The following RORA variants were observed in gnomAD, a reference collection of about 807,000 sequenced individuals.
RORA encodes RAR related orphan receptor A.
Under a neutral mutation model 69.5 loss-of-function variants are expected in RORA, and 7 were observed. That is an observed-to-expected ratio of 0.10 (90% CI 0.06 to 0.19). The LOEUF (loss-of-function observed/expected upper bound fraction) is 0.19. Ranked by LOEUF, RORA falls within the 10% of genes least tolerant of loss-of-function variation. RORA has a pLI of 1.00. For synonymous variants in RORA, 261 were observed against 240.8 expected, an observed-to-expected ratio of 1.08 and a Z score of -0.78; for missense variants, 457 against 663.0, an observed-to-expected ratio of 0.69 and a Z score of 3.41.
chr15:60,509,348 A>C (rs1174725988), intron 5 of RORA, among the ~76,000 whole-genome samples: 2 of 152,182 alleles, frequency 1.3e-5, no homozygotes, highest in Non-Finnish European at 2.9e-5. Context: ...TAAATACCAC[A>C]ACACCTGTGA....
intron 1 of RORA, among the ~76,000 whole-genome samples, chr15:60,787,757 A>T (rs2072358187): frequency 6.6e-6 from 1 of 152,236 alleles, no homozygotes; most frequent in South Asian, 2.1e-4. Flanking sequence ...ACAAGGTGCT[A>T]TGAGAACTTC....
At chr15:61,076,192 AG>A (rs1406839648) in intron 1 of RORA, among the ~76,000 whole-genome samples, 5 of 152,236 alleles carry the variant, frequency 3.3e-5, no homozygotes, top group Admixed American at 6.5e-5. Context: ...CAGAGGTCGC[AG>A]GGCCTGACCC....
rs531075148 is a variant in RORA at position 60,961,895 on chromosome 15, G to A, written c.166+267158C>T. 2.4e-4 allele frequency among the ~76,000 whole-genome samples: 36 copies of A among 152,288 alleles called. 1 individual carries two copies. In the South Asian group the frequency reaches 7.1e-3, roughly 30 times the overall value. The stretch of plus-strand genomic sequence containing the variant: ...AGTAACTGACACAGGCACCACATGC[G>A]CTGGGTTTAGACATATAAACACGGA... On this transcript the variant is annotated intron_variant, in intron 1 of 10. Coordinates refer to ENST00000335670, the MANE Select transcript of RORA (RefSeq NM_134261.3).
chr15:60,505,557 A>G lies in RORA; in HGVS notation c.893T>C (p.Ile298Thr), dbSNP rs1191056465. 6.2e-7 allele frequency: 1 copy of G among 1,613,932 alleles called. No individual in the cohort carries two copies. The highest frequency in any genetic ancestry group is 1.1e-5 in the South Asian group (1 of 91,070). Residue 298 changes from isoleucine to threonine, a missense_variant, in exon 6 of 11, where the codon ATA becomes ACA. Ile to Thr is a moderately conservative substitution (Grantham distance 89). Transcript: ENST00000335670. ...CQYLREELQQ[I>T]TWQTFLQEEI... ...TTCCTGTAAAAAGGTCTGCCACGTT[A>G]TCTGCTGGAGCTCTTCTCTCAAGTA...
At chr15:60,697,912 G>T (rs998141178) in intron 1 of RORA, among the ~76,000 whole-genome samples, 1 of 152,166 alleles carries the variant, frequency 6.6e-6, no homozygotes, top group Non-Finnish European at 1.5e-5. Flanking sequence ...CAACACTTCC[G>T]CTTGTGAAGT....
chr15:60,751,441 T>C (rs2071722048), intron 1 of RORA, among the ~76,000 whole-genome samples: 1 of 152,230 alleles, frequency 6.6e-6, no homozygotes, highest in Non-Finnish European at 1.5e-5. Context: ...GACGATAAGC[T>C]AGCATTTAGT....
intron 1 of RORA, among the ~76,000 whole-genome samples, chr15:61,161,544 T>C (rs2079496112): frequency 6.6e-6 from 1 of 152,188 alleles, no homozygotes; most frequent in Non-Finnish European, 1.5e-5. Flanking sequence ...TAGCATGTGC[T>C]CCATAAATGT....
chr15:60,578,880 C>T (rs1048235998), intron 2 of RORA, among the ~76,000 whole-genome samples: 4 of 151,624 alleles, frequency 2.6e-5, no homozygotes, highest in Non-Finnish European at 5.9e-5. Context: ...TCTCCTGCCT[C>T]AGCCTCCTGA....
intron 2 of RORA, among the ~76,000 whole-genome samples, chr15:60,657,220 C>T (rs944254284): frequency 1.3e-5 from 2 of 152,240 alleles, no homozygotes; most frequent in East Asian, 3.9e-4. Flanking sequence ...CGCATTTCTG[C>T]CTTCTCCGTC....
intron 2 of RORA, among the ~76,000 whole-genome samples, chr15:60,638,875 G>T (rs2069887440): frequency 6.6e-6 from 1 of 152,054 alleles, no homozygotes; most frequent in African/African-American, 2.4e-5. Flanking sequence ...CTGTCTTAAA[G>T]ATTCCCATTT....
intron 1 of RORA, among the ~76,000 whole-genome samples, chr15:60,747,513 T>A (rs916202409): frequency 3.3e-5 from 5 of 152,212 alleles, no homozygotes; most frequent in Non-Finnish European, 7.3e-5. Flanking sequence ...AATATTTTTA[T>A]ACAGAAAGAA....
intron 1 of RORA, among the ~76,000 whole-genome samples, chr15:60,835,629 A>G (rs2073105331): frequency 2.0e-5 from 3 of 152,218 alleles, no homozygotes; most frequent in Admixed American, 6.5e-5. Context: ...GGTTATGACC[A>G]TCTCTATTTT....
At chr15:60,735,956 G>A (rs1467295653) in intron 1 of RORA, among the ~76,000 whole-genome samples, 1 of 152,192 alleles carries the variant, frequency 6.6e-6, no homozygotes, top group African/African-American at 2.4e-5. Context: ...TAAACACACA[G>A]TAGACTAGAT....
intron 1 of RORA, among the ~76,000 whole-genome samples, chr15:61,004,056 C>T (rs988828446): frequency 6.6e-6 from 1 of 151,938 alleles, no homozygotes; most frequent in African/African-American, 2.4e-5. Context: ...ACTAAAGACA[C>T]GCCACAGGGA....
At chr15:61,172,093 T>C (rs138485484) in intron 1 of RORA, among the ~76,000 whole-genome samples, 1,663 of 152,208 alleles carry the variant, frequency 0.011, 34 homozygotes, top group African/African-American at 0.038. Flanking sequence ...ACAATATATA[T>C]TGTAGACATC....
intron 1 of RORA, among the ~76,000 whole-genome samples, chr15:60,713,460 A>G (rs1174674043): frequency 6.6e-6 from 1 of 152,186 alleles, no homozygotes; most frequent in African/African-American, 2.4e-5. Flanking sequence ...CACTGAATGG[A>G]TATTTGAAGA....
At chr15:60,801,211 T>C (rs1257813350) in intron 1 of RORA, among the ~76,000 whole-genome samples, 1 of 152,314 alleles carries the variant, frequency 6.6e-6, no homozygotes, top group South Asian at 2.1e-4. Flanking sequence ...CCTGGTGAAC[T>C]TGGGTGGAAA....
intron 1 of RORA, among the ~76,000 whole-genome samples, chr15:60,919,473 T>C (rs1012427713): frequency 2.6e-5 from 4 of 152,190 alleles, no homozygotes; most frequent in Non-Finnish European, 5.9e-5. Context: ...TGTTGATGCC[T>C]CAAAATTGAG....
intron 1 of RORA, among the ~76,000 whole-genome samples, chr15:61,079,897 G>A (rs1195140629): frequency 2.6e-5 from 4 of 152,184 alleles, no homozygotes; most frequent in Non-Finnish European, 5.9e-5. Context: ...GCGACCATGA[G>A]CAAGTTACTT....
Sources: allele counts gnomAD v4.1 joint callset (sites outside exome capture counted in the v4.1 genomes callset), GRCh38; gene constraint gnomAD v4.1.1; transcripts MANE v1.5; gene names NCBI Gene and HGNC (gene_info 2026-07-23, HGNC 2026-07-21).